RARB: variants seen among roughly 807,000 people sequenced by gnomAD.
RARB encodes retinoic acid receptor beta.
Under a neutral mutation model 51.9 loss-of-function variants are expected in RARB, and 17 were observed. That is an observed-to-expected ratio of 0.33 (90% confidence interval 0.22 to 0.49). The LOEUF (loss-of-function observed/expected upper bound fraction) is 0.49, where lower values mean the gene tolerates loss of function less well. Among genes scored for constraint, RARB ranks in the 20% least tolerant of loss-of-function variants. The pLI is 0.99. For missense variants in RARB, 369 were observed against 550.8 expected (o/e 0.67, Z 3.30); for synonymous variants, 215 against 195.4 (o/e 1.10, Z -0.84).
chr3:25,281,511 AT>A (rs745570747), intron 5 of RARB, among the ~76,000 whole-genome samples: 4 of 152,222 alleles, frequency 2.6e-5, no homozygotes, highest in Middle Eastern at 3.2e-3. Flanking sequence ...CCTGTGCTTA[AT>A]TGAAAGAGAT....
At chr3:25,322,370 G>A (rs1704596862) in intron 5 of RARB, among the ~76,000 whole-genome samples, 1 of 152,116 alleles carries the variant, frequency 6.6e-6, no homozygotes, top group South Asian at 2.1e-4. Context: ...TAGGGAGAGA[G>A]GACCTTTTTA....
intron 2 of RARB, among the ~76,000 whole-genome samples, chr3:25,045,416 G>A (rs1412827531): frequency 6.6e-6 from 1 of 152,152 alleles, no homozygotes; most frequent in African/African-American, 2.4e-5. Context: ...CTTTGTATCT[G>A]AGAGGTTTAA....
intron 5 of RARB, among the ~76,000 whole-genome samples, chr3:25,389,986 C>G (rs1333878644): frequency 1.3e-5 from 2 of 152,086 alleles, no homozygotes; most frequent in Admixed American, 1.3e-4. Flanking sequence ...TTGGTCGTGG[C>G]TCAAGAGGTA....
intron 5 of RARB, among the ~76,000 whole-genome samples, chr3:25,373,296 G>A (rs1706359413): frequency 6.6e-6 from 1 of 152,110 alleles, no homozygotes; most frequent in Non-Finnish European, 1.5e-5. Context: ...TAATAGAGAA[G>A]AGAAGAAGGA....
intron 2 of RARB, among the ~76,000 whole-genome samples, chr3:25,469,401 A>T (rs527555415): frequency 6.6e-6 from 1 of 152,382 alleles, no homozygotes; most frequent in South Asian, 2.1e-4. Flanking sequence ...TCACTCTGAT[A>T]GTTGCTTCTG....
chr3:25,069,829 A>G (rs1387465365), intron 3 of RARB, among the ~76,000 whole-genome samples: 2 of 152,208 alleles, frequency 1.3e-5, no homozygotes, highest in Admixed American at 6.5e-5. Flanking sequence ...TGAACAGTAC[A>G]TTATGTGGTG....
chr3:25,574,444 T>A (rs1284879886), intron 4 of RARB, among the ~76,000 whole-genome samples: 2 of 152,176 alleles, frequency 1.3e-5, no homozygotes, highest in Non-Finnish European at 2.9e-5. Flanking sequence ...CCATCATAAA[T>A]GTCTTGTCAT....
chr3:24,852,524 A>T (rs1702573289), intron 1 of RARB, among the ~76,000 whole-genome samples: 1 of 152,192 alleles, frequency 6.6e-6, no homozygotes, highest in Non-Finnish European at 1.5e-5. Flanking sequence ...ACCCAAGGAA[A>T]ATGAAAATAT....
intron 5 of RARB, among the ~76,000 whole-genome samples, chr3:25,207,629 A>G (rs1701582953): frequency 6.6e-6 from 1 of 152,180 alleles, no homozygotes; most frequent in East Asian, 1.9e-4. Context: ...TCATTTACTT[A>G]ATTATTTAAT....
chr3:25,453,753 C>T (rs969162959), intron 1 of RARB, among the ~76,000 whole-genome samples: 1 of 152,172 alleles, frequency 6.6e-6, no homozygotes, highest in African/African-American at 2.4e-5. Context: ...GCCAGGATCC[C>T]TGGTGACCCC....
chr3:25,080,938 A>T (rs761806873), intron 3 of RARB, among the ~76,000 whole-genome samples: 1 of 151,974 alleles, frequency 6.6e-6, no homozygotes, highest in East Asian at 1.9e-4. Flanking sequence ...TTAATTTTTA[A>T]AAAACTTTTG....
intron 5 of RARB, among the ~76,000 whole-genome samples, chr3:25,203,852 T>G (rs1005186149): frequency 2.0e-5 from 3 of 152,218 alleles, no homozygotes; most frequent in Non-Finnish European, 4.4e-5. Flanking sequence ...TTTCTCTCTG[T>G]CTGCCCTTAA....
In RARB at chr3:24,958,255, GTTTTTTTTT is replaced by G. The variant is rs71057692; in HGVS notation, c.-380+99529_-380+99537del. Among the ~76,000 whole-genome samples, 35 of 69,472 alleles carry G rather than the reference GTTTTTTTTT, an allele frequency of 5.0e-4. 1 individual carries two copies. The highest frequency in any genetic ancestry group is 2.2e-3 in the South Asian group (3 of 1,344). The allele number at this position is 69,472 out of a possible 152,430, so 45.6% of individuals were successfully genotyped here. ...ACCTGAAGCTTCCTGAGCTGCTCAGGTTTTTTTTTTTTTTTTTTTTTTTTTTTTTTTTTT... is the reference window on the plus strand; with the variant it reads ...ACCTGAAGCTTCCTGAGCTGCTCAGGTTTTTTTTTTTTTTTTTTTTTTTTT... On this transcript the variant is annotated intron_variant, in intron 2 of 11. Transcript: ENST00000383772.
intron 3 of RARB, among the ~76,000 whole-genome samples, chr3:25,060,656 A>G (rs542644893): frequency 6.6e-6 from 1 of 151,962 alleles, no homozygotes; most frequent in South Asian, 2.1e-4. Context: ...CAGAAGGAAA[A>G]AAATCAAGTT....
intron 4 of RARB, among the ~76,000 whole-genome samples, chr3:25,156,901 A>C (rs1435374160): frequency 6.6e-6 from 1 of 152,240 alleles, no homozygotes; most frequent in Non-Finnish European, 1.5e-5. Flanking sequence ...CTTTCAGTTA[A>C]ACTTCTGGCT....
rs548162094 is a variant in RARB, at chr3:25,225,923, T to G, written c.178+51348T>G. Reference sequence around the variant, plus strand: ...AGATTTTTGCGTTGCAAAGTTTGTTTGGTCATCTTCCAAATAAGGATGCAT... The same window carrying G: ...AGATTTTTGCGTTGCAAAGTTTGTTGGGTCATCTTCCAAATAAGGATGCAT... On this transcript the variant is annotated intron_variant, in intron 5 of 11. Coordinates refer to the RARB transcript ENST00000383772. Among the ~76,000 whole-genome samples the G allele has an allele frequency of 8.5e-5, 13 of 152,326 alleles. No individual in the cohort carries two copies. The South Asian group carries it at 2.7e-3, about 32-fold the overall frequency.
chr3:25,381,584 C>T (rs1706626911), intron 5 of RARB, among the ~76,000 whole-genome samples: 1 of 152,222 alleles, frequency 6.6e-6, no homozygotes, highest in Non-Finnish European at 1.5e-5. Flanking sequence ...TTGCTTTGGT[C>T]ACTCAAGTTG....
rs143425356 is a variant in RARB, at chr3:25,248,677, T to C, written c.178+74102T>C. On this transcript the variant is annotated intron_variant, in intron 5 of 11. Transcript: ENST00000383772. ...GCTTTTGCTTGTTTGAGAAATACTT[T>C]ATTTGTCCTCCTTTTATAAAGGATA... Among the ~76,000 whole-genome samples, 334 of 152,298 alleles carry C rather than the reference T, an allele frequency of 2.2e-3. 1 individual carries two copies. The highest frequency in any genetic ancestry group is 7.8e-3 in the African/African-American group (324 of 41,584).
intron 4 of RARB, among the ~76,000 whole-genome samples, chr3:25,141,222 C>T (rs1358916407): frequency 3.9e-5 from 6 of 151,930 alleles, no homozygotes; most frequent in Non-Finnish European, 8.8e-5. Flanking sequence ...AACTCATAAA[C>T]GTTCTTAAAA....
Sources: allele counts gnomAD v4.1 joint callset (sites outside exome capture counted in the v4.1 genomes callset), GRCh38; gene constraint gnomAD v4.1.1; transcripts MANE v1.5; gene names NCBI Gene and HGNC (gene_info 2026-07-23, HGNC 2026-07-21).